The following KLHL20 variants were observed in gnomAD, a reference collection of about 807,000 sequenced individuals.
The protein encoded by KLHL20 is kelch like family member 20.
Under a neutral mutation model 69.5 loss-of-function variants are expected in KLHL20, and 29 were observed. The ratio of observed to expected loss-of-function variants is 0.42; its 90% CI spans 0.31 to 0.57. KLHL20 has a LOEUF of 0.57. Among genes scored for constraint, KLHL20 ranks in the 20% least tolerant of loss-of-function variants. The pLI, the probability that KLHL20 is intolerant of heterozygous loss-of-function variation, is 0.18. For missense variants in KLHL20, 419 were observed against 776.0 expected, an observed-to-expected ratio of 0.54 and a Z score of 5.47; for synonymous variants, 253 against 265.2, an observed-to-expected ratio of 0.95 and a Z score of 0.45.
chr1:173,745,759 T>C (rs1673030916), intron 3 of KLHL20, among the ~76,000 whole-genome samples: 1 of 152,216 alleles, frequency 6.6e-6, no homozygotes, highest in African/African-American at 2.4e-5. Context: ...GTAATGGAAA[T>C]ATTGTACATA....
chr1:173,741,914 G>T lies in KLHL20; in HGVS notation c.597+7628G>T, dbSNP rs563042302. The T allele has an allele frequency of 2.3e-5, 29 of 1,277,468 alleles. No homozygotes were observed. In the African/African-American group the frequency reaches 3.9e-4, roughly 17 times the overall value. 79.1% of individuals were successfully genotyped at this position (1,277,468 alleles called of 1,614,324 possible). On this transcript the variant is annotated intron_variant, in intron 3 of 11. Transcript: ENST00000209884. ...GGCTTACAAGAAGGATGTTCCTTCA[G>T]ATGAAAGCAGCACTAAAAGCACTCT...
intron 2 of KLHL20, among the ~76,000 whole-genome samples, chr1:173,720,444 T>C (rs935752038): frequency 1.3e-5 from 2 of 151,830 alleles, no homozygotes; most frequent in African/African-American, 4.8e-5. Flanking sequence ...GTAGAAAACA[T>C]GGAAATTGAG....
intron 1 of KLHL20, 127 bp downstream of exon 1, chr1:173,715,205 C>T (rs993843803): frequency 5.3e-5 from 8 of 152,320 alleles, no homozygotes; most frequent in African/African-American, 1.9e-4. Context: ...CAGTCGGCGC[C>T]GAGAAGAGAC....
chr1:173,720,304 C>T (rs61826812), intron 2 of KLHL20, among the ~76,000 whole-genome samples: 34,565 of 150,676 alleles, frequency 0.23, 4,407 homozygotes, highest in Middle Eastern at 0.39. Flanking sequence ...ATTAAGGACA[C>T]CATAAAAGGA....
intron 3 of KLHL20, among the ~76,000 whole-genome samples, chr1:173,743,695 C>G (rs940082986): frequency 6.6e-6 from 1 of 151,998 alleles, no homozygotes; most frequent in Non-Finnish European, 1.5e-5. Flanking sequence ...ATGGTAGGTT[C>G]TGGTTTATCC....
intron 2 of KLHL20, among the ~76,000 whole-genome samples, chr1:173,727,537 C>A (rs957032208): frequency 8.5e-5 from 13 of 152,200 alleles, no homozygotes; most frequent in African/African-American, 3.1e-4. Context: ...GCCCATCAGA[C>A]TAACAGCTGA....
intron 3 of KLHL20, among the ~76,000 whole-genome samples, chr1:173,744,194 A>C (rs143664044): frequency 1.7e-3 from 258 of 152,250 alleles, no homozygotes; most frequent in Middle Eastern, 3.4e-3. Flanking sequence ...AATTTAACAG[A>C]TAAGAAGGGA....
intron 3 of KLHL20, among the ~76,000 whole-genome samples, chr1:173,747,789 AT>A (rs1187716067): frequency 6.6e-6 from 1 of 151,806 alleles, no homozygotes; most frequent in East Asian, 1.9e-4. Flanking sequence ...GAAAGTTTAT[AT>A]TTTTGTTCCA....
At chr1:173,744,336 T>A (rs984840461) in intron 3 of KLHL20, among the ~76,000 whole-genome samples, 1 of 152,162 alleles carries the variant, frequency 6.6e-6, no homozygotes, top group African/African-American at 2.4e-5. Flanking sequence ...GCTATTAAGA[T>A]TTTTGGTTTT....
At chr1:173,729,531 A>C (rs866475624) in intron 2 of KLHL20, among the ~76,000 whole-genome samples, 1 of 152,198 alleles carries the variant, frequency 6.6e-6, no homozygotes, top group Non-Finnish European at 1.5e-5. Context: ...CACCATGATC[A>C]AGTGGGCTTC....
At chr1:173,736,097 C>A (rs1365765821) in intron 3 of KLHL20, among the ~76,000 whole-genome samples, 1 of 151,918 alleles carries the variant, frequency 6.6e-6, no homozygotes, top group Non-Finnish European at 1.5e-5. Flanking sequence ...TAGGTACATG[C>A]CACCATGTCC....
At chr1:173,743,194 CAT>C (rs1324083071) in intron 3 of KLHL20, among the ~76,000 whole-genome samples, 1 of 148,610 alleles carries the variant, frequency 6.7e-6, no homozygotes, top group African/African-American at 2.5e-5. Flanking sequence ...ATTAAAGAAA[CAT>C]ATTTCAAAAC....
chr1:173,733,835 A>C lies in KLHL20; in HGVS notation c.146A>C (p.Lys49Thr). The change falls in exon 3 of 12, where the codon AAG becomes ACG. Residue 49 changes from lysine (K) to threonine (T), a missense_variant. Physicochemically the swap from Lys to Thr is moderately conservative, Grantham distance 78. Around this residue, in one of 6 missense-constraint regions of KLHL20, gnomAD observed 129 missense variants for 183.6 expected, o/e 0.70. Transcript: ENST00000209884. The part of the protein sequence containing the change: ...QPARMPYISD[K>T]HPRQTLEVIN... ...GCCCGCATGCCCTATATCTCAGACA[A>C]GCACCCTCGACAAACCTTGGAAGTG... 2 of 1,614,116 alleles carry C rather than the reference A, an allele frequency of 1.2e-6. No homozygotes were observed.
intron 2 of KLHL20, among the ~76,000 whole-genome samples, chr1:173,729,711 T>C (rs995912117): frequency 6.6e-6 from 1 of 152,186 alleles, no homozygotes; most frequent in Non-Finnish European, 1.5e-5. Flanking sequence ...TAGGTATTGA[T>C]GGGACGTATC....
Position 173,782,141 on chromosome 1 carries a change from C to A in KLHL20, c.1656C>A (p.Val552=). 1 of 1,613,916 alleles carries A rather than the reference C, an allele frequency of 6.2e-7. No individual in the cohort carries two copies. Among genetic ancestry groups the A allele is most frequent in the South Asian group, 1.1e-5 (1 of 91,052 alleles). The part of the protein sequence containing the change: ...SRRSGVGLAV[V]NGQLMAVGGF... ...TTTTGTAGGTTGGCCTGGCAGTGGT[C>A]AATGGACAGCTCATGGCAGTAGGAG... is the stretch of plus-strand genomic sequence containing the variant. The change falls in exon 11 of 12, where the codon GTC becomes GTA. Residue 552 remains valine, a synonymous_variant. Transcript: ENST00000209884.
chr1:173,756,100 G>A (rs1673535764), intron 6 of KLHL20, 62 bp downstream of exon 6: 1 of 1,181,616 alleles, frequency 8.5e-7, no homozygotes, highest in Admixed American at 2.0e-5. Flanking sequence ...ACTGTCATTT[G>A]AAAAATCCTT....
intron 6 of KLHL20, 139 bp downstream of exon 6, chr1:173,756,177 C>G: frequency 1.6e-6 from 1 of 621,952 alleles, no homozygotes; most frequent in Non-Finnish European, 2.9e-6. Flanking sequence ...TGACTCATAA[C>G]CCATGATTCC....
intron 3 of KLHL20, among the ~76,000 whole-genome samples, chr1:173,743,314 C>T (rs371037182): frequency 6.6e-6 from 1 of 151,836 alleles, no homozygotes; most frequent in African/African-American, 2.4e-5. Flanking sequence ...CTTTTATGTA[C>T]GCTTTGTCCA....
chr1:173,751,859 G>T lies in KLHL20; in HGVS notation c.693G>T (p.Val231=). The change falls in exon 4 of 12, where the codon GTG becomes GTT. Residue 231 remains valine, a synonymous_variant. Transcript: ENST00000209884. ...TAAACGTTCGCAGTGAAGAACAAGTGTTCAATGCAGTGATGGCCTGGGTCA... is the reference window on the plus strand; with the variant it reads ...TAAACGTTCGCAGTGAAGAACAAGTTTTCAATGCAGTGATGGCCTGGGTCA... The part of the protein sequence containing the change: ...DELNVRSEEQ[V]FNAVMAWVKY... The T allele has an allele frequency of 6.2e-7, 1 of 1,613,994 alleles. No homozygotes were observed. The highest frequency in any genetic ancestry group is 1.1e-5 in the South Asian group (1 of 91,070).
Sources: gnomAD v4.1 joint callset for allele counts (sites outside exome capture counted in the v4.1 genomes callset) on GRCh38, gnomAD v4.1.1 for gene constraint, gnomAD v4.1.1 regional missense constraint, MANE v1.5 for transcripts, NCBI Gene and HGNC (gene_info 2026-07-23, HGNC 2026-07-21) for gene names.